CHRNA7: variants seen among roughly 807,000 people sequenced by gnomAD.
The protein encoded by CHRNA7 is cholinergic receptor nicotinic alpha 7 subunit.
A neutral mutation model predicts 48.0 loss-of-function variants in CHRNA7; 17 were observed. The ratio of observed to expected loss-of-function variants is 0.35; its 90% confidence interval spans 0.24 to 0.53. The LOEUF (loss-of-function observed/expected upper bound fraction) is 0.53. CHRNA7 is among the 20% of genes least tolerant of loss of function. The pLI, the probability that CHRNA7 is intolerant of heterozygous loss-of-function variation, is 0.92. For missense variants in CHRNA7, 155 were observed against 577.7 expected (o/e 0.27, Z 7.50); for synonymous variants, 75 against 242.3 (o/e 0.31, Z 6.41).
chr15:32,093,354 G>A (rs2050413334), intron 2 of CHRNA7, among the ~76,000 whole-genome samples: 1 of 152,182 alleles, frequency 6.6e-6, no homozygotes, highest in Non-Finnish European at 1.5e-5. Flanking sequence ...TAGAAGGAAA[G>A]GAAACCTTTC....
intron 4 of CHRNA7, among the ~76,000 whole-genome samples, chr15:32,123,964 C>CAAAAAA (rs57791060): frequency 2.1e-5 from 1 of 47,164 alleles, no homozygotes. Context: ...AAAATCTGGC[C>CAAAAAA]AAAAAAAAAA....
intron 2 of CHRNA7, among the ~76,000 whole-genome samples, chr15:32,097,780 A>G (rs1467052171): frequency 1.3e-5 from 2 of 152,180 alleles, no homozygotes; most frequent in Admixed American, 6.5e-5. Flanking sequence ...CCTCTCTTGC[A>G]GGAACCCCCT....
chr15:32,100,966 T>C (rs1595446350), intron 2 of CHRNA7: 2 of 232,904 alleles, frequency 8.6e-6, no homozygotes, highest in East Asian at 1.0e-4. Flanking sequence ...TTTTATGTTT[T>C]TTTTTAAGCA....
intron 3 of CHRNA7, chr15:32,101,958 T>TA (rs2050580385): frequency 6.6e-6 from 1 of 152,228 alleles, no homozygotes; most frequent in Non-Finnish European, 1.5e-5. Flanking sequence ...AATACCATAA[T>TA]AATTTGGTGC....
At chr15:32,141,083 T>G (rs968924627) in intron 4 of CHRNA7, among the ~76,000 whole-genome samples, 1 of 152,236 alleles carries the variant, frequency 6.6e-6, no homozygotes, top group Non-Finnish European at 1.5e-5. Context: ...TAATCCATCT[T>G]GAGTTAATTT....
At chr15:32,045,153 C>CT (rs534521046) in intron 2 of CHRNA7, among the ~76,000 whole-genome samples, 32 of 152,054 alleles carry the variant, frequency 2.1e-4, no homozygotes, top group Admixed American at 1.8e-3. Context: ...ATTAATAAGA[C>CT]TTTTTTTTAT....
chr15:32,098,006 T>C (rs1200344880), intron 2 of CHRNA7, among the ~76,000 whole-genome samples: 1 of 152,226 alleles, frequency 6.6e-6, no homozygotes, highest in African/African-American at 2.4e-5. Context: ...GTGGAGCCCC[T>C]GCATACCTGC....
intron 2 of CHRNA7, among the ~76,000 whole-genome samples, chr15:32,051,566 A>G (rs1018202893): frequency 3.9e-5 from 3 of 77,020 alleles, no homozygotes; most frequent in Non-Finnish European, 6.3e-5. Flanking sequence ...CCTTTCCTTG[A>G]CCAGGAAAGG....
intron 4 of CHRNA7, among the ~76,000 whole-genome samples, chr15:32,152,445 A>G (rs541466195): frequency 1.4e-4 from 21 of 152,148 alleles, no homozygotes; most frequent in Non-Finnish European, 2.8e-4. Flanking sequence ...TCCATTTCAA[A>G]AAAAAAGGGA....
chr15:32,158,624 T>TG lies in CHRNA7; in HGVS notation c.793+20dup. On this transcript the variant is annotated intron_variant, in intron 7 of 9. Coordinates refer to ENST00000306901, the MANE Select transcript of CHRNA7 (RefSeq NM_000746.6). ...TTCCCTGGGTAAGCGCCCCAGTGTC[T>TG]GGCGGGAGTCTGAGACTGGAGACCT... 6.5e-7 allele frequency: 1 copy of TG among 1,527,444 alleles called. No homozygotes were observed. The highest frequency in any genetic ancestry group is 2.3e-5 in the East Asian group (1 of 42,620). The allele number at this position is 1,527,444 out of a possible 1,614,324, so 94.6% of individuals were successfully genotyped here.
intron 3 of CHRNA7, among the ~76,000 whole-genome samples, chr15:32,104,334 C>T (rs1221525848): frequency 6.6e-6 from 1 of 152,084 alleles, no homozygotes; most frequent in East Asian, 1.9e-4. Context: ...TCCCTAAGAA[C>T]CACTTGATTT....
chr15:32,030,573 C>G lies in CHRNA7; in HGVS notation c.-22C>G, dbSNP rs892309067. The G allele has an allele frequency of 2.0e-6, 3 of 1,481,596 alleles. No individual in the cohort carries two copies. The highest frequency in any genetic ancestry group is 4.6e-5 in the Admixed American group (2 of 43,166). 91.8% of individuals were successfully genotyped at this position (1,481,596 alleles called of 1,614,324 possible). On this transcript the variant is annotated 5_prime_UTR_variant, in exon 1 of 10. Transcript: ENST00000306901. ...AGCCGAGACGTGGAGCGCGCCGGCTCGCTGCAGCTCCGGGACTCAACATGC... is the reference window on the plus strand; with the variant it reads ...AGCCGAGACGTGGAGCGCGCCGGCTGGCTGCAGCTCCGGGACTCAACATGC...
At chr15:32,040,736 T>G (rs2049434120) in intron 2 of CHRNA7, among the ~76,000 whole-genome samples, 1 of 151,886 alleles carries the variant, frequency 6.6e-6, no homozygotes, top group Non-Finnish European at 1.5e-5. Context: ...AAAACAAAAG[T>G]TTTTATTTTG....
At chr15:32,131,673 A>G (rs933141906) in intron 4 of CHRNA7, among the ~76,000 whole-genome samples, 2 of 152,182 alleles carry the variant, frequency 1.3e-5, no homozygotes, top group African/African-American at 4.8e-5. Flanking sequence ...CTGTTTTGGC[A>G]TCTGCTAATT....
At chr15:32,101,001 A>T (rs931936994) in intron 2 of CHRNA7, 5 of 304,396 alleles carry the variant, frequency 1.6e-5, no homozygotes, top group Non-Finnish European at 2.4e-5. Flanking sequence ...AAATACAAAG[A>T]TAAATAGCTA....
chr15:32,104,127 A>G (rs570889517), intron 3 of CHRNA7, among the ~76,000 whole-genome samples: 64 of 152,118 alleles, frequency 4.2e-4, no homozygotes, highest in Non-Finnish European at 8.4e-4. Flanking sequence ...CCTGGACAGC[A>G]TAGGAACTGA....
At chr15:32,060,063 C>G (rs559539745) in intron 2 of CHRNA7, among the ~76,000 whole-genome samples, 1 of 147,890 alleles carries the variant, frequency 6.8e-6, no homozygotes, top group East Asian at 2.0e-4. Flanking sequence ...TTATGCAAAA[C>G]CAAAATCAAA....
intron 2 of CHRNA7, among the ~76,000 whole-genome samples, chr15:32,072,722 G>A (rs1489246197): frequency 6.6e-6 from 1 of 152,206 alleles, no homozygotes; most frequent in Non-Finnish European, 1.5e-5. Context: ...GGCACAGAGG[G>A]CTCCAGGTAC....
At chr15:32,105,319 T>G (rs2050645329) in intron 3 of CHRNA7, among the ~76,000 whole-genome samples, 1 of 151,872 alleles carries the variant, frequency 6.6e-6, no homozygotes. Context: ...AATTAACACG[T>G]TTAGAAGAAG....
Sources: gnomAD v4.1 joint callset for allele counts (sites outside exome capture counted in the v4.1 genomes callset) on GRCh38, gnomAD v4.1.1 for gene constraint, MANE v1.5 for transcripts, NCBI Gene and HGNC (gene_info 2026-07-23, HGNC 2026-07-21) for gene names.